The following CDC14B variants were observed in gnomAD, a reference collection of about 807,000 sequenced individuals.
CDC14B encodes the protein cell division cycle 14B.
CDC14B carries 22 observed loss-of-function variants against 64.2 expected under a neutral mutation model. The ratio of observed to expected loss-of-function variants is 0.34; its 90% CI spans 0.24 to 0.49. The LOEUF (loss-of-function observed/expected upper bound fraction) is 0.49. Among genes scored for constraint, CDC14B ranks in the 20% least tolerant of loss-of-function variants. CDC14B has a pLI of 0.99. For missense variants in CDC14B, 498 were observed against 629.9 expected, an observed-to-expected ratio of 0.79 and a Z score of 2.24; for synonymous variants, 191 against 215.8, an observed-to-expected ratio of 0.89 and a Z score of 1.01.
chr9:96,583,250 C>T (rs1374415313), intron 1 of CDC14B, among the ~76,000 whole-genome samples: 1 of 151,996 alleles, frequency 6.6e-6, no homozygotes, highest in East Asian at 1.9e-4. Flanking sequence ...TTTATGGATA[C>T]ACCCCACATT....
chr9:96,583,517 C>T (rs1030543478), intron 1 of CDC14B, among the ~76,000 whole-genome samples: 1 of 151,022 alleles, frequency 6.6e-6, no homozygotes, highest in African/African-American at 2.4e-5. Context: ...CTGCCTCAGT[C>T]TCAAGAGTAG....
Position 96,515,314 on chromosome 9 carries a change from C to G in CDC14B, c.1344-5525G>C, listed in dbSNP as rs1160738097. On this transcript the variant is annotated intron_variant, in intron 12 of 13. Transcript: ENST00000375241. This position sits in a 1 kb window ranked among gnomAD's most constrained non-coding sequence, Gnocchi z 4.3. ...ACGAAAATAAAACCACCCCAATTAT[C>G]CTAAGCTAACTACTTTTGATAGGGA... Among the ~76,000 whole-genome samples, 2 of 141,998 alleles carry G rather than the reference C, an allele frequency of 1.4e-5. No individual in the cohort carries two copies. The highest frequency in any genetic ancestry group is 4.6e-4 in the East Asian group (2 of 4,338). 93.2% of individuals were successfully genotyped at this position (141,998 alleles called of 152,430 possible). A position where few individuals can be genotyped will look rare whatever the true frequency, so the allele number is the denominator to read the frequency against.
At chr9:96,594,412 A>G (rs1845947904) in intron 1 of CDC14B, among the ~76,000 whole-genome samples, 1 of 152,194 alleles carries the variant, frequency 6.6e-6, no homozygotes, top group Non-Finnish European at 1.5e-5. Context: ...GCAAGTGAGA[A>G]AACTACTAAA....
Position 96,584,657 on chromosome 9 carries a change from A to T in CDC14B, c.161-19174T>A, listed in dbSNP as rs543886245. Among the ~76,000 whole-genome samples the T allele has an allele frequency of 3.4e-4, 52 of 152,228 alleles. No individual in the cohort carries two copies. In the South Asian group the frequency reaches 0.01, roughly 30 times the overall value. ...CAATTAATAAAACAGACTTTATTTT[A>T]TTTATTTATTTTTTGTGACGGAGTC... On this transcript the variant is annotated intron_variant, in intron 1 of 13. Transcript: ENST00000375241.
At chr9:96,523,754 A>C in intron 9 of CDC14B, 29 bp from the exon 10 acceptor site, 1 of 1,603,366 alleles carries the variant, frequency 6.2e-7, no homozygotes, top group Non-Finnish European at 8.5e-7. Context: ...ACAGAAATGA[A>C]ACTTGGGCTG....
intron 1 of CDC14B, among the ~76,000 whole-genome samples, chr9:96,598,709 A>G (rs1846242638): frequency 6.6e-6 from 1 of 152,232 alleles, no homozygotes; most frequent in Non-Finnish European, 1.5e-5. Flanking sequence ...GCTTCCATCA[A>G]AATTACAAAT....
At chr9:96,606,527 T>TTGTATATGTGTGTG (rs1846942373) in intron 1 of CDC14B, among the ~76,000 whole-genome samples, 1 of 112,758 alleles carries the variant, frequency 8.9e-6, no homozygotes, top group African/African-American at 3.3e-5. Context: ...TACTAAAAGT[T>TTGTATATGTGTGTG]TGTGTGTGTG....
intron 12 of CDC14B, among the ~76,000 whole-genome samples, chr9:96,518,294 A>G (rs1327604479): frequency 1.3e-5 from 2 of 152,096 alleles, no homozygotes; most frequent in African/African-American, 2.4e-5. Context: ...AGGCGGGCAG[A>G]TCACGAGGTC....
intron 4 of CDC14B, among the ~76,000 whole-genome samples, chr9:96,558,109 T>C (rs745595218): frequency 1.3e-5 from 2 of 152,328 alleles, no homozygotes; most frequent in African/African-American, 2.4e-5. Flanking sequence ...GTTGATCTTA[T>C]GGAGGCCAAG....
chr9:96,555,867 T>A (rs1328293546), intron 4 of CDC14B, among the ~76,000 whole-genome samples: 1 of 152,108 alleles, frequency 6.6e-6, no homozygotes, highest in Non-Finnish European at 1.5e-5. Flanking sequence ...AAAATCACCA[T>A]CTGCATGCCA....
At chr9:96,603,102 A>C (rs143884679) in intron 1 of CDC14B, among the ~76,000 whole-genome samples, 2 of 152,030 alleles carry the variant, frequency 1.3e-5, no homozygotes, top group Non-Finnish European at 2.9e-5. Context: ...GTGAAAAAAA[A>C]CAAGATGCAG....
chr9:96,508,367 T>G (rs1834451056), intron 13 of CDC14B, among the ~76,000 whole-genome samples: 1 of 55,334 alleles, frequency 1.8e-5, no homozygotes. Flanking sequence ...CTTCGTGTAC[T>G]AAACTAAATG....
chr9:96,546,280 C>A (rs1404704433), intron 5 of CDC14B, among the ~76,000 whole-genome samples: 1 of 152,092 alleles, frequency 6.6e-6, no homozygotes, highest in Non-Finnish European at 1.5e-5. Flanking sequence ...ATAGACATTA[C>A]ATATGTGAAA....
intron 5 of CDC14B, among the ~76,000 whole-genome samples, chr9:96,547,247 C>G (rs1352964333): frequency 6.6e-6 from 1 of 151,626 alleles, no homozygotes; most frequent in African/African-American, 2.4e-5. Flanking sequence ...GGTGGATCAC[C>G]TGAGGTCGGG....
Position 96,502,890 on chromosome 9 carries a change from G to C in CDC14B, c.*863C>G. 2.5e-6 allele frequency: 1 copy of C among 398,152 alleles called. No homozygotes were observed. The highest frequency in any genetic ancestry group is 2.1e-5 in the African/African-American group (1 of 48,600). The allele number at this position is 398,152 out of a possible 1,614,324, so 24.7% of individuals were successfully genotyped here. ...TTGTAAGCCGACATTATTTGGGATT[G>C]CTGTTTCCAAGGGGAAAAACCAATA... is the stretch of plus-strand genomic sequence containing the variant. On this transcript the variant is annotated 3_prime_UTR_variant, in exon 14 of 14. Coordinates refer to ENST00000375241, the MANE Select transcript of CDC14B (RefSeq NM_033331.4).
intron 1 of CDC14B, among the ~76,000 whole-genome samples, chr9:96,578,267 T>G (rs1844925659): frequency 6.6e-6 from 1 of 152,190 alleles, no homozygotes; most frequent in South Asian, 2.1e-4. Context: ...AGACAAATCT[T>G]CCTCATAGAA....
At chr9:96,497,096 C>A (rs778913406), downstream of CDC14B, among the ~76,000 whole-genome samples, 4 of 152,252 alleles carry the variant, frequency 2.6e-5, no homozygotes, top group African/African-American at 4.8e-5. Flanking sequence ...AGTCCCACAA[C>A]GCACAAAGCA....
chr9:96,607,824 C>T (rs566550987), intron 1 of CDC14B, among the ~76,000 whole-genome samples: 9 of 152,106 alleles, frequency 5.9e-5, no homozygotes, highest in Non-Finnish European at 1.2e-4. Flanking sequence ...GGAGTAGAGT[C>T]GATTCCCACT....
intron 12 of CDC14B, among the ~76,000 whole-genome samples, chr9:96,514,135 A>G (rs1835288121): frequency 6.6e-6 from 1 of 152,218 alleles, no homozygotes; most frequent in Admixed American, 6.5e-5. Flanking sequence ...GGCAAACGTC[A>G]TTACCAATAA....
Sources: allele counts gnomAD v4.1 joint callset (sites outside exome capture counted in the v4.1 genomes callset), GRCh38; gene constraint gnomAD v4.1.1; non-coding constraint Gnocchi (gnomAD v3.1); transcripts MANE v1.5; gene names NCBI Gene and HGNC (gene_info 2026-07-23, HGNC 2026-07-21).